Variants in RDH12 observed in about 807,000 individuals in gnomAD.
RDH12 encodes the protein retinol dehydrogenase 12.
A neutral mutation model predicts 34.0 loss-of-function variants in RDH12; 21 were observed. The observed-to-expected ratio is 0.62, with a 90% CI of 0.44 to 0.89. The LOEUF (loss-of-function observed/expected upper bound fraction) is 0.89. Ranked by LOEUF, RDH12 falls within the 40% of genes least tolerant of loss-of-function variation. The pLI, the probability that RDH12 is intolerant of heterozygous loss-of-function variation, is 0.00. For missense variants in RDH12, 394 were observed against 398.6 expected, an observed-to-expected ratio of 0.99 and a Z score of 0.10; for synonymous variants, 198 against 169.9, an observed-to-expected ratio of 1.17 and a Z score of -1.29.
intron 1 of RDH12, among the ~76,000 whole-genome samples, chr14:67,710,305 C>G (rs928595003): frequency 1.3e-5 from 2 of 152,170 alleles, no homozygotes; most frequent in Non-Finnish European, 2.9e-5. Context: ...GAGAGATACA[C>G]AGATGTAGTA....
chr14:67,709,909 G>A (rs2140113800), intron 1 of RDH12, among the ~76,000 whole-genome samples: 1 of 152,280 alleles, frequency 6.6e-6, no homozygotes, highest in South Asian at 2.1e-4. Flanking sequence ...GGGCAAACCT[G>A]CCTTCCATTC....
intron 1 of RDH12, among the ~76,000 whole-genome samples, chr14:67,710,427 C>T (rs778545597): frequency 3.9e-5 from 6 of 152,004 alleles, no homozygotes; most frequent in African/African-American, 7.2e-5. Context: ...TTTATAAATC[C>T]GCTTATTGTG....
intron 1 of RDH12, among the ~76,000 whole-genome samples, chr14:67,705,623 G>C (rs945725823): frequency 6.6e-6 from 1 of 152,204 alleles, no homozygotes; most frequent in African/African-American, 2.4e-5. Flanking sequence ...CATTAGTTTA[G>C]TTAGTGGTGT....
At chr14:67,722,764 G>C (rs2038139705) in intron 3 of RDH12, 54 bp downstream of exon 3, 2 of 1,423,552 alleles carry the variant, frequency 1.4e-6, no homozygotes, top group Middle Eastern at 1.7e-4. Flanking sequence ...TGCACTGGAA[G>C]CCGGTTCTCA....
At chr14:67,713,978 T>C (rs1218408035) in intron 1 of RDH12, among the ~76,000 whole-genome samples, 29 of 152,178 alleles carry the variant, frequency 1.9e-4, no homozygotes, top group Admixed American at 1.8e-3. Flanking sequence ...GAGGTATGAC[T>C]TTGAATAGAA....
chr14:67,729,692 T>C (rs1298392146), intron 8 of RDH12: 2 of 561,670 alleles, frequency 3.6e-6, no homozygotes, highest in African/African-American at 1.9e-5. Context: ...ATCGTTTTTC[T>C]CCTTCTTTAA....
At position 67,717,619 on chromosome 14, in the gene RDH12, A is replaced by G. The variant is rs371475394; in HGVS notation, c.-274-3229A>G. Among the ~76,000 whole-genome samples the G allele has an allele frequency of 3.0e-4, 46 of 152,378 alleles. 1 individual carries two copies. The highest frequency in any genetic ancestry group is 1.1e-3 in the African/African-American group (45 of 41,596). On this transcript the variant is annotated intron_variant, in intron 1 of 8. Transcript: ENST00000551171. ...TCCCAAACGGGGGTGATTTTGCCCC[A>G]TAGTGAACAGCTGGCAATGCCAGGA...
intron 1 of RDH12, among the ~76,000 whole-genome samples, chr14:67,716,846 T>C (rs1029816147): frequency 5.4e-5 from 8 of 147,860 alleles, no homozygotes; most frequent in Non-Finnish European, 1.2e-4. Flanking sequence ...ATCACACCAC[T>C]GCACTCCAGC....
At chr14:67,704,440 C>G (rs1468035990) in intron 1 of RDH12, among the ~76,000 whole-genome samples, 1 of 152,026 alleles carries the variant, frequency 6.6e-6, no homozygotes, top group Non-Finnish European at 1.5e-5. Context: ...TTTTTTTCAA[C>G]TGTGTGTGCA....
chr14:67,721,738 GATATATATAT>G (rs3039650), intron 2 of RDH12, among the ~76,000 whole-genome samples: 10,157 of 146,766 alleles, frequency 0.069, 1,101 homozygotes, highest in African/African-American at 0.23. Flanking sequence ...AACAAGTGGG[GATATATATAT>G]ATATATATAT....
intron 1 of RDH12, among the ~76,000 whole-genome samples, chr14:67,707,434 A>T (rs2140108878): frequency 6.6e-6 from 1 of 152,176 alleles, no homozygotes; most frequent in East Asian, 1.9e-4. Flanking sequence ...GCAAGAATAT[A>T]TATATATTTT....
chr14:67,725,905 A>C, intron 5 of RDH12, 146 bp from the exon 6 acceptor site: 1 of 716,620 alleles, frequency 1.4e-6, no homozygotes, highest in Non-Finnish European at 2.6e-6. Flanking sequence ...TTTTAAAAGG[A>C]AGGGGCAGAG....
At chr14:67,720,250 T>C (rs2038108858) in intron 1 of RDH12, among the ~76,000 whole-genome samples, 3 of 152,222 alleles carry the variant, frequency 2.0e-5, no homozygotes, top group Non-Finnish European at 2.9e-5. Context: ...CTTTTCTTAC[T>C]GATTTGTAAG....
chr14:67,723,580 A>T (rs554576265), intron 3 of RDH12, among the ~76,000 whole-genome samples: 1 of 152,306 alleles, frequency 6.6e-6, no homozygotes, highest in South Asian at 2.1e-4. Context: ...CCTACCAAGG[A>T]CAGTGTTATT....
In RDH12 at chr14:67,714,390, G is replaced by A. The variant is rs557709667; in HGVS notation, c.-274-6458G>A. On this transcript the variant is annotated intron_variant, in intron 1 of 8. Coordinates refer to ENST00000551171, the MANE Select transcript of RDH12 (RefSeq NM_152443.3). ...TGCCTCAATAAATCCTCCTGCCTTG[G>A]CCTCCCAAAATGCTGGGATTACAGG... Among the ~76,000 whole-genome samples, 27 of 152,112 alleles carry A rather than the reference G, an allele frequency of 1.8e-4. 1 individual carries two copies. In the South Asian group the frequency reaches 5.6e-3, roughly 32 times the overall value.
chr14:67,708,444 T>C (rs2037973757), intron 1 of RDH12, among the ~76,000 whole-genome samples: 1 of 152,114 alleles, frequency 6.6e-6, no homozygotes, highest in South Asian at 2.1e-4. Flanking sequence ...CTATAGCTGA[T>C]TATAAAACCA....
At chr14:67,709,167 T>G (rs2037983410) in intron 1 of RDH12, among the ~76,000 whole-genome samples, 1 of 152,188 alleles carries the variant, frequency 6.6e-6, no homozygotes, top group Non-Finnish European at 1.5e-5. Context: ...TTGTCAAATA[T>G]CAAAGGTTTA....
chr14:67,703,969 T>C (rs952061532), intron 1 of RDH12, among the ~76,000 whole-genome samples: 1 of 152,240 alleles, frequency 6.6e-6, no homozygotes, highest in African/African-American at 2.4e-5. Context: ...TGAGCCACTG[T>C]GCTTGGCCTG....
chr14:67,729,781 G>A (rs1380985754), intron 8 of RDH12: 2 of 501,318 alleles, frequency 4.0e-6, no homozygotes, highest in Non-Finnish European at 7.9e-6. Context: ...TCTCTTCGGT[G>A]TGAACTCTGT....
Sources: allele counts gnomAD v4.1 joint callset (sites outside exome capture counted in the v4.1 genomes callset), GRCh38; gene constraint gnomAD v4.1.1; transcripts MANE v1.5; gene names NCBI Gene and HGNC (gene_info 2026-07-23, HGNC 2026-07-21).